Variants in NETO1 observed in about 807,000 individuals in gnomAD.
NETO1 encodes neuropilin and tolloid like 1, also known as neuropilin and tolloid-like protein 1.
NETO1 carries 26 observed loss-of-function variants against 61.3 expected under a neutral mutation model. The ratio of observed to expected loss-of-function variants is 0.42; its 90% CI spans 0.31 to 0.59. The LOEUF (loss-of-function observed/expected upper bound fraction) is 0.59. Ranked by LOEUF, NETO1 falls within the 20% of genes least tolerant of loss-of-function variation. The pLI, the probability that NETO1 is intolerant of heterozygous loss-of-function variation, is 0.12. For synonymous variants in NETO1, 225 were observed against 225.8 expected (o/e 1.00, Z 0.03); for missense variants, 531 against 662.8 (o/e 0.80, Z 2.18).
At chr18:72,862,119 A>T (rs1169506224) in intron 3 of NETO1, among the ~76,000 whole-genome samples, 1 of 152,068 alleles carries the variant, frequency 6.6e-6, no homozygotes, top group African/African-American at 2.4e-5. Context: ...TGGAAAATTT[A>T]TTCTACATCT....
At chr18:72,789,159 T>C (rs1317282681) in intron 6 of NETO1, among the ~76,000 whole-genome samples, 2 of 151,682 alleles carry the variant, frequency 1.3e-5, no homozygotes, top group Non-Finnish European at 2.9e-5. Context: ...CCCTTTATTT[T>C]TGGAGAAGGA....
intron 4 of NETO1, among the ~76,000 whole-genome samples, chr18:72,850,875 T>A (rs1382163393): frequency 6.6e-6 from 1 of 152,178 alleles, no homozygotes; most frequent in African/African-American, 2.4e-5. Context: ...AAGCAAGGCC[T>A]CTACCATTCC....
chr18:72,844,322 T>C (rs976817046), intron 4 of NETO1, among the ~76,000 whole-genome samples: 8 of 152,252 alleles, frequency 5.3e-5, no homozygotes, highest in Non-Finnish European at 1.0e-4. Flanking sequence ...TAATTGTATT[T>C]TAATCGTCTT....
At chr18:72,776,380 C>T (rs986223999) in intron 7 of NETO1, among the ~76,000 whole-genome samples, 2 of 152,214 alleles carry the variant, frequency 1.3e-5, no homozygotes, top group African/African-American at 4.8e-5. Context: ...CCTCTCAATA[C>T]TACCACACTG....
intron 7 of NETO1, among the ~76,000 whole-genome samples, chr18:72,761,366 C>G (rs2070966169): frequency 6.6e-6 from 1 of 152,092 alleles, no homozygotes; most frequent in African/African-American, 2.4e-5. Context: ...AAGCAGAAAA[C>G]ATAAATTATG....
chr18:72,784,565 C>G (rs577509448), intron 6 of NETO1, among the ~76,000 whole-genome samples: 1 of 152,090 alleles, frequency 6.6e-6, no homozygotes, highest in Non-Finnish European at 1.5e-5. Context: ...TGTAACACTT[C>G]CAACAACTCT....
intron 7 of NETO1, among the ~76,000 whole-genome samples, chr18:72,772,851 A>G (rs553749931): frequency 1.4e-5 from 1 of 72,846 alleles, no homozygotes; most frequent in East Asian, 3.3e-4. Context: ...ATATATATAT[A>G]TATATATATA....
chr18:72,831,102 TCAAA>T (rs2073562642), intron 4 of NETO1, among the ~76,000 whole-genome samples: 1 of 152,178 alleles, frequency 6.6e-6, no homozygotes, highest in South Asian at 2.1e-4. Context: ...TTCTGGCTCC[TCAAA>T]CAACAGCCCA....
chr18:72,807,715 A>AAC (rs72126949), intron 4 of NETO1, among the ~76,000 whole-genome samples: 798 of 65,348 alleles, frequency 0.012, 6 homozygotes, highest in Admixed American at 0.02. Context: ...TGAAGACAAG[A>AAC]ACACACACAC....
intron 4 of NETO1, among the ~76,000 whole-genome samples, chr18:72,800,234 T>G (rs558074285): frequency 3.3e-5 from 5 of 152,284 alleles, no homozygotes; most frequent in African/African-American, 4.8e-5. Context: ...TAGAAGAGGA[T>G]CAAATGCCTG....
rs997334371 is a variant in NETO1 at position 72,793,073 on chromosome 18, A to T, written c.639+1044T>A. Reference sequence around the variant, plus strand: ...CTTACTGCTTAGGTTATTCTGTTACATATTGGTTTAAGAACTAAACGGAAG... The same window carrying T: ...CTTACTGCTTAGGTTATTCTGTTACTTATTGGTTTAAGAACTAAACGGAAG... On this transcript the variant is annotated intron_variant, in intron 6 of 10. Transcript: ENST00000327305. Among the ~76,000 whole-genome samples the T allele has an allele frequency of 7.9e-5, 12 of 152,302 alleles. No homozygotes were observed. The South Asian group carries it at 2.1e-3, about 26-fold the overall frequency.
intron 3 of NETO1, 71 bp downstream of exon 3, chr18:72,864,737 T>G (rs2074681877): frequency 6.3e-7 from 1 of 1,597,972 alleles, no homozygotes; most frequent in African/African-American, 1.3e-5. Context: ...ACGCATATTC[T>G]TCATCCAAAG....
intron 8 of NETO1, among the ~76,000 whole-genome samples, chr18:72,750,884 C>T (rs1001297854): frequency 6.7e-6 from 1 of 149,542 alleles, no homozygotes; most frequent in African/African-American, 2.5e-5. Flanking sequence ...CACACACACA[C>T]ACACACACAC....
chr18:72,867,062 C>G (rs2074759942), intron 1 of NETO1: 4 of 466,850 alleles, frequency 8.6e-6, no homozygotes. Flanking sequence ...GTTTTGGGAT[C>G]CGGCGACGGC....
At chr18:72,775,386 T>A (rs940746775) in intron 7 of NETO1, among the ~76,000 whole-genome samples, 1 of 152,206 alleles carries the variant, frequency 6.6e-6, no homozygotes, top group African/African-American at 2.4e-5. Context: ...CCTTTTCCTA[T>A]AATTTATTCA....
chr18:72,772,821 CTCTCTATATATATATA>C (rs1186421326), intron 7 of NETO1, among the ~76,000 whole-genome samples: 101 of 50,602 alleles, frequency 2.0e-3, no homozygotes, highest in Admixed American at 2.5e-3. Context: ...CTCTCTCTCT[CTCTCTATATATATATA>C]TATATATATA....
intron 3 of NETO1, among the ~76,000 whole-genome samples, chr18:72,863,287 G>A (rs1264649619): frequency 5.9e-5 from 9 of 152,144 alleles, no homozygotes; most frequent in Admixed American, 1.3e-4. Context: ...TTCCGCATAC[G>A]CTGCTCTATG....
At chr18:72,867,235 C>A in intron 1 of NETO1, 29 bp downstream of exon 1, 1 of 1,530,258 alleles carries the variant, frequency 6.5e-7, no homozygotes, top group South Asian at 1.3e-5. Context: ...GCTCCGGGAG[C>A]GCACGGGCGC....
intron 4 of NETO1, among the ~76,000 whole-genome samples, chr18:72,829,570 A>G (rs1163149601): frequency 1.3e-5 from 2 of 152,196 alleles, no homozygotes; most frequent in Non-Finnish European, 2.9e-5. Context: ...TGTATATCAC[A>G]TTAGGTTCTA....
Sources: gnomAD v4.1 joint callset for allele counts (sites outside exome capture counted in the v4.1 genomes callset) on GRCh38, gnomAD v4.1.1 for gene constraint, MANE v1.5 for transcripts, NCBI Gene and HGNC (gene_info 2026-07-23, HGNC 2026-07-21) for gene names.